CNTN1: variants seen among roughly 807,000 people sequenced by gnomAD.
CNTN1 encodes the protein contactin-1.
A neutral mutation model predicts 126.4 loss-of-function variants in CNTN1; 38 were observed. That is an observed-to-expected ratio of 0.30 (90% CI 0.23 to 0.39). The LOEUF is 0.39. Ranked by LOEUF, CNTN1 falls within the 10% of genes least tolerant of loss-of-function variation. CNTN1 has a pLI of 1.00. For missense variants in CNTN1, 1,009 were observed against 1,248.4 expected (o/e 0.81, Z 2.89); for synonymous variants, 413 against 422.6 (o/e 0.98, Z 0.28).
At chr12:41,012,073 G>A (rs1354032482) in intron 17 of CNTN1, among the ~76,000 whole-genome samples, 3 of 152,166 alleles carry the variant, frequency 2.0e-5, no homozygotes, top group Non-Finnish European at 1.5e-5. Context: ...TGGGAAGCTA[G>A]AGTGCTTGGG....
chr12:40,946,924 G>C (rs1946453541), intron 14 of CNTN1, among the ~76,000 whole-genome samples: 1 of 151,826 alleles, frequency 6.6e-6, no homozygotes, highest in South Asian at 2.1e-4. Flanking sequence ...AATAAATTGT[G>C]AGATTATAGG....
chr12:40,736,996 A>G (rs1937714890), intron 1 of CNTN1, among the ~76,000 whole-genome samples: 1 of 151,978 alleles, frequency 6.6e-6, no homozygotes, highest in Non-Finnish European at 1.5e-5. Flanking sequence ...CGAAATCAGT[A>G]TTTTTCTAGG....
intron 1 of CNTN1, among the ~76,000 whole-genome samples, chr12:40,802,428 C>T (rs1838343): frequency 0.37 from 56,178 of 151,694 alleles, 11,166 homozygotes; most frequent in East Asian, 0.49. Context: ...TTTCTCAACA[C>T]AAGTTCATCA....
At chr12:40,787,437 C>G (rs992694797) in intron 1 of CNTN1, among the ~76,000 whole-genome samples, 20 of 152,102 alleles carry the variant, frequency 1.3e-4, no homozygotes, top group Admixed American at 1.2e-3. Flanking sequence ...TTGGCAGACT[C>G]TGCTTTTTGT....
At chr12:41,003,152 C>T (rs148833840) in intron 17 of CNTN1, among the ~76,000 whole-genome samples, 60 of 152,072 alleles carry the variant, frequency 3.9e-4, no homozygotes, top group Middle Eastern at 6.8e-3. Flanking sequence ...TTTTACATGA[C>T]GGGGTGTTGA....
At chr12:40,964,521 A>AGTGTGTGTGTGT (rs768904007) in intron 15 of CNTN1, among the ~76,000 whole-genome samples, 3 of 112,720 alleles carry the variant, frequency 2.7e-5, no homozygotes, top group African/African-American at 1.1e-4. Context: ...ACACCGTGTA[A>AGTGTGTGTGTGT]GTGAGTGTGT....
chr12:40,800,364 A>G lies in CNTN1; in HGVS notation c.-77+107772A>G, dbSNP rs146398935. On this transcript the variant is annotated intron_variant, in intron 1 of 23. Transcript: ENST00000551295. ...ATTAAAATTTTTTATTTTATAAATT[A>G]CCCAGTCTTGGGTATTTCTTCGTAG... Among the ~76,000 whole-genome samples, 6 of 152,064 alleles carry G rather than the reference A, an allele frequency of 3.9e-5. No homozygotes were observed. The East Asian group carries it at 1.2e-3, about 29-fold the overall frequency.
At chr12:40,906,880 G>A (rs1427363421) in intron 1 of CNTN1, among the ~76,000 whole-genome samples, 1 of 151,890 alleles carries the variant, frequency 6.6e-6, no homozygotes, top group Admixed American at 6.6e-5. Context: ...GTTTCACCAT[G>A]TTGGTCAGGC....
intron 15 of CNTN1, among the ~76,000 whole-genome samples, chr12:40,975,210 A>G (rs1247905948): frequency 1.3e-5 from 1 of 79,556 alleles, no homozygotes; most frequent in East Asian, 3.2e-4. Context: ...ATATATATAT[A>G]TATATATATA....
chr12:41,058,649 A>C (rs1949876458), intron 23 of CNTN1, among the ~76,000 whole-genome samples: 1 of 152,170 alleles, frequency 6.6e-6, no homozygotes, highest in Non-Finnish European at 1.5e-5. Flanking sequence ...AAGGTTTAAC[A>C]CCATGAAACT....
chr12:40,959,315 G>T, intron 15 of CNTN1, 81 bp downstream of exon 15: 1 of 1,472,618 alleles, frequency 6.8e-7, no homozygotes, highest in Non-Finnish European at 9.4e-7. Flanking sequence ...GGTAACTCTG[G>T]TGCAAATTCT....
At chr12:41,052,165 G>C (rs2121037528) in intron 23 of CNTN1, among the ~76,000 whole-genome samples, 1 of 152,188 alleles carries the variant, frequency 6.6e-6, no homozygotes, top group South Asian at 2.1e-4. Flanking sequence ...TTATATCCCG[G>C]ATATCTGCCC....
In CNTN1 at chr12:40,958,583, C is replaced by T. The variant is rs982052086; in HGVS notation, c.1684-531C>T. On this transcript the variant is annotated intron_variant, in intron 14 of 23. Coordinates refer to ENST00000551295, the MANE Select transcript of CNTN1 (RefSeq NM_001843.4). Reference sequence around the variant, plus strand: ...TGAACAAAACAAATACTCTTGTCCTCGCAGAACTTATAATTTGGCAACAGA... The same window carrying T: ...TGAACAAAACAAATACTCTTGTCCTTGCAGAACTTATAATTTGGCAACAGA... 8.5e-5 allele frequency among the ~76,000 whole-genome samples: 13 copies of T among 152,084 alleles called. No homozygotes were observed. In the South Asian group the frequency reaches 1.2e-3, roughly 15 times the overall value.
intron 1 of CNTN1, among the ~76,000 whole-genome samples, chr12:40,752,025 T>C (rs942021631): frequency 4.6e-5 from 7 of 152,148 alleles, no homozygotes; most frequent in Admixed American, 3.9e-4. Flanking sequence ...TTCATCTTCT[T>C]GATGTTTTTA....
chr12:40,693,636 A>T (rs1375659717), intron 1 of CNTN1, among the ~76,000 whole-genome samples: 1 of 152,200 alleles, frequency 6.6e-6, no homozygotes, highest in Non-Finnish European at 1.5e-5. Flanking sequence ...TTTCATGCCA[A>T]ACCGGGCATG....
At chr12:40,769,972 ACT>A (rs1331530274) in intron 1 of CNTN1, among the ~76,000 whole-genome samples, 1 of 152,054 alleles carries the variant, frequency 6.6e-6, no homozygotes, top group Non-Finnish European at 1.5e-5. Flanking sequence ...GGGCCTATGA[ACT>A]CTGTTGCAGA....
Position 41,070,343 on chromosome 12 carries a change from T to C in CNTN1, c.*308T>C. The C allele has an allele frequency of 2.3e-6, 1 of 425,984 alleles. No homozygotes were observed. The highest frequency in any genetic ancestry group is 2.1e-5 in the South Asian group (1 of 47,056). 26.4% of individuals were successfully genotyped at this position (425,984 alleles called of 1,614,324 possible). On this transcript the variant is annotated 3_prime_UTR_variant, in exon 24 of 24. Transcript: ENST00000551295. Reference sequence around the variant, plus strand: ...CAATGGGACAAGTTACAGTGTTCAATTCAATACTATAGGCTGTAGAGTGAA... The same window carrying C: ...CAATGGGACAAGTTACAGTGTTCAACTCAATACTATAGGCTGTAGAGTGAA...
intron 1 of CNTN1, among the ~76,000 whole-genome samples, chr12:40,849,113 G>A (rs1942624081): frequency 6.6e-6 from 1 of 152,016 alleles, no homozygotes; most frequent in Non-Finnish European, 1.5e-5. Flanking sequence ...TAGACAAATG[G>A]CTTAATCTCT....
chr12:40,800,103 G>A (rs573347143), intron 1 of CNTN1, among the ~76,000 whole-genome samples: 7 of 151,892 alleles, frequency 4.6e-5, no homozygotes, highest in Non-Finnish European at 7.4e-5. Flanking sequence ...TTATCCCCAC[G>A]TGTCAAGGGT....
Sources: gnomAD v4.1 joint callset for allele counts (sites outside exome capture counted in the v4.1 genomes callset) on GRCh38, gnomAD v4.1.1 for gene constraint, MANE v1.5 for transcripts, NCBI Gene and HGNC (gene_info 2026-07-23, HGNC 2026-07-21) for gene names.